Variants in EFHC2 observed in about 807,000 individuals in gnomAD.
The protein encoded by EFHC2 is EF-hand domain containing 2, also known as EF-hand domain-containing family member C2.
Under a neutral mutation model 52.7 loss-of-function variants are expected in EFHC2, and 18 were observed. The ratio of observed to expected loss-of-function variants is 0.34; its 90% CI spans 0.24 to 0.51. The LOEUF is 0.51. Ranked by LOEUF, EFHC2 falls within the 20% of genes least tolerant of loss-of-function variation. The probability of loss-of-function intolerance (pLI) is 0.97; values close to 1 mark genes in which losing one functional copy is unlikely to be tolerated. For synonymous variants in EFHC2, 203 were observed against 204.1 expected, an observed-to-expected ratio of 0.99 and a Z score of 0.04; for missense variants, 513 against 562.5, an observed-to-expected ratio of 0.91 and a Z score of 0.89.
chrX:44,217,513 C>T (rs749938030), intron 11 of EFHC2, among the ~76,000 whole-genome samples: 7 of 111,476 alleles, frequency 6.3e-5, no homozygotes, highest in Non-Finnish European at 1.3e-4. Flanking sequence ...AAACGTGGTA[C>T]TCATACACAA....
chrX:44,170,830 A>G (rs2036739695), intron 13 of EFHC2, among the ~76,000 whole-genome samples: 1 of 112,444 alleles, frequency 8.9e-6, no homozygotes, highest in South Asian at 3.7e-4. Flanking sequence ...TCTTTTCAAA[A>G]GGCTTTGAAA....
At chrX:44,283,098 C>T (rs2037720377) in intron 2 of EFHC2, among the ~76,000 whole-genome samples, 1 of 112,134 alleles carries the variant, frequency 8.9e-6, no homozygotes, top group African/African-American at 3.2e-5. Context: ...TGTCTGATCC[C>T]TAAGGTGTCT....
At chrX:44,313,460 T>C (rs944969275) in intron 1 of EFHC2, among the ~76,000 whole-genome samples, 14 of 111,882 alleles carry the variant, frequency 1.3e-4, no homozygotes, top group African/African-American at 4.5e-4. Flanking sequence ...GAGGCATATA[T>C]GTCCTATGGC....
intron 3 of EFHC2, among the ~76,000 whole-genome samples, chrX:44,265,699 T>G (rs2037571545): frequency 8.9e-6 from 1 of 111,968 alleles, no homozygotes; most frequent in Admixed American, 9.5e-5. Context: ...TATCATCACA[T>G]CTACAAGTTT....
intron 2 of EFHC2, among the ~76,000 whole-genome samples, chrX:44,278,430 C>A (rs944185499): frequency 9.8e-5 from 11 of 111,775 alleles, no homozygotes; most frequent in Non-Finnish European, 1.9e-5. Flanking sequence ...AAATCAGAAC[C>A]TTGGGGAGGG....
intron 4 of EFHC2, among the ~76,000 whole-genome samples, chrX:44,257,328 A>G (rs2147342301): frequency 8.9e-6 from 1 of 111,839 alleles, no homozygotes; most frequent in South Asian, 3.8e-4. Context: ...GGGTATCCAA[A>G]TAGGAAGAGA....
chrX:44,160,970 A>G (rs2036648969), intron 14 of EFHC2, among the ~76,000 whole-genome samples: 1 of 111,972 alleles, frequency 8.9e-6, no homozygotes, highest in Non-Finnish European at 1.9e-5. Context: ...TACCACAGCT[A>G]TTAAGAATGG....
chrX:44,218,463 AT>A (rs930503648), intron 11 of EFHC2, among the ~76,000 whole-genome samples: 21 of 111,792 alleles, frequency 1.9e-4, no homozygotes, highest in African/African-American at 4.2e-4. Context: ...CTCTAGAATT[AT>A]TTTTTTCTTT....
chrX:44,250,418 G>T lies in EFHC2; in HGVS notation c.634C>A (p.Pro212Thr), dbSNP rs770159047. ...EVVEHVEPLRPYESLDTLKQF... is the reference protein window; with the variant it reads ...EVVEHVEPLRTYESLDTLKQF... ...TTCAGGGTGTCGAGGGATTCGTAGG[G>T]ACGTAAGGGCTCTACGTGTTCTACA... Residue 212 changes from proline (P) to threonine (T), a missense_variant, in exon 5 of 15, where the codon CCC (proline) becomes ACC (threonine). Coordinates refer to ENST00000420999, the MANE Select transcript of EFHC2 (RefSeq NM_025184.4). 1.7e-6 allele frequency: 2 copies of T among 1,206,834 alleles called. No individual in the cohort carries two copies. The highest frequency in any genetic ancestry group is 2.2e-6 in the Non-Finnish European group (2 of 892,434).
At chrX:44,171,365 T>C (rs2036744025) in intron 13 of EFHC2, among the ~76,000 whole-genome samples, 2 of 111,731 alleles carry the variant, frequency 1.8e-5, no homozygotes, top group Non-Finnish European at 3.8e-5. Context: ...GTGGCAGCTG[T>C]ATTTTGCTGA....
At chrX:44,196,669 C>G (rs1569281352) in intron 11 of EFHC2, among the ~76,000 whole-genome samples, 1 of 112,188 alleles carries the variant, frequency 8.9e-6, no homozygotes, top group Non-Finnish European at 1.9e-5. Flanking sequence ...TTGGTGGAGA[C>G]AGCTGCTGAG....
At chrX:44,159,171 T>G (rs1284294652) in intron 14 of EFHC2, among the ~76,000 whole-genome samples, 2 of 111,000 alleles carry the variant, frequency 1.8e-5, no homozygotes, top group Admixed American at 1.9e-4. Context: ...CTTCTTTTTT[T>G]CCCCCACCTT....
intron 2 of EFHC2, among the ~76,000 whole-genome samples, chrX:44,279,298 C>T (rs1482531702): frequency 2.7e-5 from 3 of 111,900 alleles, no homozygotes; most frequent in South Asian, 3.7e-4. Context: ...GAGCCATGAT[C>T]GTGCCACTGC....
At chrX:44,190,418 A>G (rs973569560) in intron 11 of EFHC2, among the ~76,000 whole-genome samples, 11 of 111,985 alleles carry the variant, frequency 9.8e-5, no homozygotes, top group African/African-American at 3.6e-4. Context: ...AATATGGCAA[A>G]TGGGAATTAA....
intron 11 of EFHC2, among the ~76,000 whole-genome samples, chrX:44,191,518 T>A (rs753873905): frequency 1.2e-4 from 14 of 112,228 alleles, no homozygotes; most frequent in Non-Finnish European, 2.1e-4. Flanking sequence ...ATTACAGGCA[T>A]GAGTCACTGC....
At chrX:44,189,485 C>T (rs1602142358) in intron 11 of EFHC2, among the ~76,000 whole-genome samples, 2 of 112,325 alleles carry the variant, frequency 1.8e-5, no homozygotes, top group Middle Eastern at 9.2e-3. Context: ...GCGGGGCCCA[C>T]TCATGAGAGA....
chrX:44,281,786 T>C (rs917925007), intron 2 of EFHC2, among the ~76,000 whole-genome samples: 2 of 112,218 alleles, frequency 1.8e-5, no homozygotes, highest in Non-Finnish European at 3.8e-5. Flanking sequence ...TGTTTAATTT[T>C]TTAAAGACCC....
Position 44,250,366 on chromosome X carries a change from A to C in EFHC2, c.686T>G (p.Ile229Ser). Residue 229 changes from isoleucine to serine, a missense_variant, in exon 5 of 15, where the codon ATT becomes AGT. Coordinates refer to ENST00000420999, the MANE Select transcript of EFHC2 (RefSeq NM_025184.4). ...ATCCCACAGGCAGAAGAAACACAAA[A>C]TCTTGCCATGATACTGGAGGAACTG... ...LKQFLQYHGK[I>S]LCFFCLWDDS... The C allele has an allele frequency of 1.7e-6, 2 of 1,211,324 alleles. No homozygotes were observed. The highest frequency in any genetic ancestry group is 2.2e-6 in the Non-Finnish European group (2 of 895,284).
At chrX:44,254,352 T>C (rs1368073574) in intron 4 of EFHC2, among the ~76,000 whole-genome samples, 1 of 111,917 alleles carries the variant, frequency 8.9e-6, no homozygotes, top group Admixed American at 9.4e-5. Flanking sequence ...TTTAACCCAA[T>C]GCAAGGAAGC....
Sources: allele counts gnomAD v4.1 joint callset (sites outside exome capture counted in the v4.1 genomes callset), GRCh38; gene constraint gnomAD v4.1.1; transcripts MANE v1.5; gene names NCBI Gene and HGNC (gene_info 2026-07-23, HGNC 2026-07-21).